Variants in FAM107B observed in about 807,000 individuals in gnomAD.
FAM107B encodes protein FAM107B.
A neutral mutation model predicts 31.5 loss-of-function variants in FAM107B; 21 were observed. That is an observed-to-expected ratio of 0.67 (90% CI 0.47 to 0.96). The LOEUF is 0.96. FAM107B is among the 40% of genes least tolerant of loss of function. The probability of loss-of-function intolerance (pLI) is 0.00; values close to 1 mark genes in which losing one functional copy is unlikely to be tolerated. For missense variants in FAM107B, 452 were observed against 377.1 expected (o/e 1.20, Z -1.64); for synonymous variants, 157 against 141.5 (o/e 1.11, Z -0.78).
At position 14,702,877 on chromosome 10, in the gene FAM107B, T is replaced by C. The variant is rs1018062173; in HGVS notation, c.412-35186A>G. Among the ~76,000 whole-genome samples, 6 of 152,038 alleles carry C rather than the reference T, an allele frequency of 3.9e-5. No individual in the cohort carries two copies. In the East Asian group the frequency reaches 1.2e-3, roughly 29 times the overall value. On this transcript the variant is annotated intron_variant, in intron 1 of 4. Transcript: ENST00000181796. ...AAGACCAGACAGACCCACCAAGAAT[T>C]GTTTTTCCTTCCTCTCCCTGTTGTC...
chr10:14,657,974 C>T (rs757746914), intron 2 of FAM107B, among the ~76,000 whole-genome samples: 23 of 152,032 alleles, frequency 1.5e-4, no homozygotes, highest in Non-Finnish European at 3.4e-4. Flanking sequence ...CCACACCCGG[C>T]TAATGTTTTC....
intron 1 of FAM107B, among the ~76,000 whole-genome samples, chr10:14,737,766 T>TCTCTCTCTCTCTCTCTCTCTCTCTCTCTC (rs1856336376): frequency 7.9e-6 from 1 of 127,050 alleles, no homozygotes; most frequent in African/African-American, 3.2e-5. Context: ...CGTGCACGCT[T>TCTCTCTCTCTCTCTCTCTCTCTCTCTCTC]TCTCTCTCTC....
intron 2 of FAM107B, among the ~76,000 whole-genome samples, chr10:14,569,757 C>A (rs1422592843): frequency 1.3e-5 from 2 of 152,184 alleles, no homozygotes; most frequent in African/African-American, 4.8e-5. Context: ...TAATCAAGTT[C>A]TTTCTTCCCT....
intron 2 of FAM107B, among the ~76,000 whole-genome samples, chr10:14,656,842 C>A (rs1292707134): frequency 6.6e-6 from 1 of 152,228 alleles, no homozygotes; most frequent in Admixed American, 6.5e-5. Context: ...AATTTCATTC[C>A]TGGTAACCGG....
chr10:14,543,021 T>C (rs1037101838), intron 2 of FAM107B, among the ~76,000 whole-genome samples: 1 of 152,240 alleles, frequency 6.6e-6, no homozygotes, highest in African/African-American at 2.4e-5. Context: ...ACTGATTGCC[T>C]TAAACTCATT....
chr10:14,679,792 A>G (rs6602752), intron 1 of FAM107B, among the ~76,000 whole-genome samples: 151,984 of 152,334 alleles, frequency 1, 75,819 homozygotes, highest in Non-Finnish European at 1. Flanking sequence ...CCCTCAATCT[A>G]GTGGGCACCA....
chr10:14,767,101 C>CAG (rs1293912707), intron 1 of FAM107B, among the ~76,000 whole-genome samples: 9 of 55,018 alleles, frequency 1.6e-4, no homozygotes, highest in East Asian at 6.1e-4. Flanking sequence ...GAGAGAGAGA[C>CAG]AGAGAGAGAG....
chr10:14,669,185 T>C (rs1030463680), intron 1 of FAM107B, among the ~76,000 whole-genome samples: 2 of 151,982 alleles, frequency 1.3e-5, no homozygotes, highest in Admixed American at 6.6e-5. Context: ...CTGGGCCATA[T>C]GGTGAAACCC....
rs76228505 is a variant in FAM107B at position 14,662,884 on chromosome 10, C to T, written c.469+4750G>A. ...GGTGTGTTGGTGAGGGGGTTGCCAA[C>T]GGAGATTAACGTTTGAGTCAGTGGA... On this transcript the variant is annotated intron_variant, in intron 2 of 4. Coordinates refer to ENST00000181796, the MANE Select transcript of FAM107B (RefSeq NM_031453.4). Among the ~76,000 whole-genome samples, 605 of 152,224 alleles carry T rather than the reference C, an allele frequency of 4.0e-3. 3 individuals carry two copies. The highest frequency in any genetic ancestry group is 0.014 in the African/African-American group (563 of 41,544).
At chr10:14,646,811 T>TTC in intron 2 of FAM107B, among the ~76,000 whole-genome samples, 1 of 148,282 alleles carries the variant, frequency 6.7e-6, no homozygotes, top group South Asian at 2.2e-4. Context: ...TTTTTTTTTT[T>TTC]GAGACGGAGT....
intron 2 of FAM107B, among the ~76,000 whole-genome samples, chr10:14,583,458 T>C (rs1851720063): frequency 6.6e-6 from 1 of 152,114 alleles, no homozygotes. Flanking sequence ...GGACCCAAGC[T>C]CACCTTAGCG....
chr10:14,590,989 CAA>C (rs35000609), intron 2 of FAM107B, among the ~76,000 whole-genome samples: 1,735 of 66,962 alleles, frequency 0.026, 24 homozygotes, highest in African/African-American at 0.093. Flanking sequence ...AACTCCATCT[CAA>C]AAAAAAAAAA....
At chr10:14,760,484 A>G (rs2688866) in intron 1 of FAM107B, among the ~76,000 whole-genome samples, 1,987 of 150,864 alleles carry the variant, frequency 0.013, 46 homozygotes, top group African/African-American at 0.048. Context: ...AAACAGATGC[A>G]TTTACCTTAT....
chr10:14,701,822 G>C (rs924831101), intron 1 of FAM107B, among the ~76,000 whole-genome samples: 3 of 152,100 alleles, frequency 2.0e-5, no homozygotes, highest in South Asian at 2.1e-4. Context: ...CTCTGCTGGC[G>C]TGTGAAAAGA....
chr10:14,761,317 A>G (rs546581747), intron 1 of FAM107B, among the ~76,000 whole-genome samples: 2 of 152,210 alleles, frequency 1.3e-5, no homozygotes, highest in East Asian at 1.9e-4. Context: ...ACAAATCAGC[A>G]TTTGCAATAT....
chr10:14,523,261 G>C (rs1236319824), intron 3 of FAM107B, among the ~76,000 whole-genome samples: 1 of 152,180 alleles, frequency 6.6e-6, no homozygotes, highest in African/African-American at 2.4e-5. Context: ...ATCTTAGCCA[G>C]TCTCTGCCAA....
intron 1 of FAM107B, among the ~76,000 whole-genome samples, chr10:14,672,745 T>C (rs566624727): frequency 6.6e-6 from 1 of 152,268 alleles, no homozygotes; most frequent in East Asian, 1.9e-4. Flanking sequence ...TTGGTACAAA[T>C]TAGCTTCTTT....
At position 14,585,068 on chromosome 10, in the gene FAM107B, A is replaced by T. The variant is rs146633579; in HGVS notation, c.470-54553T>A. The stretch of plus-strand genomic sequence containing the variant: ...AGTTCATTTACACAAGGTGTACACC[A>T]AGTAACCAAAGGGACACCTCTAGAG... On this transcript the variant is annotated intron_variant, in intron 2 of 4. Transcript: ENST00000181796. 3.1e-3 allele frequency among the ~76,000 whole-genome samples: 465 copies of T among 152,318 alleles called. 1 individual carries two copies. Among genetic ancestry groups the T allele is most frequent in the African/African-American group, 0.01 (422 of 41,562 alleles).
intron 1 of FAM107B, among the ~76,000 whole-genome samples, chr10:14,710,431 TAC>T (rs57418409): frequency 0.043 from 6,247 of 146,434 alleles, 211 homozygotes; most frequent in African/African-American, 0.092. Context: ...TCTCTAAAAA[TAC>T]ACACACACAC....
Sources: allele counts gnomAD v4.1 joint callset (sites outside exome capture counted in the v4.1 genomes callset), GRCh38; gene constraint gnomAD v4.1.1; transcripts MANE v1.5; gene names NCBI Gene and HGNC (gene_info 2026-07-23, HGNC 2026-07-21).